The following SLC24A1 variants were observed in gnomAD, a reference collection of about 807,000 sequenced individuals.
The protein encoded by SLC24A1 is sodium/potassium/calcium exchanger 1.
In SLC24A1, 52 loss-of-function variants were observed where a neutral mutation model predicts 88.1. The observed-to-expected ratio is 0.59, with a 90% CI of 0.47 to 0.74. The LOEUF is 0.74. Ranked by LOEUF, SLC24A1 falls within the 30% of genes least tolerant of loss-of-function variation. The pLI is 0.00. For synonymous variants in SLC24A1, 455 were observed against 498.0 expected (o/e 0.91, Z 1.15); for missense variants, 1,173 against 1,363.3 (o/e 0.86, Z 2.20).
At chr15:65,636,851 T>G (rs114141793) in intron 2 of SLC24A1, among the ~76,000 whole-genome samples, 9,460 of 144,238 alleles carry the variant, frequency 0.066, 312 homozygotes, top group African/African-American at 0.1. Flanking sequence ...ACTCCAGCGC[T>G]CTGTCTCAAA....
At chr15:65,630,899 AG>A (rs901215534) in intron 2 of SLC24A1, among the ~76,000 whole-genome samples, 3 of 152,226 alleles carry the variant, frequency 2.0e-5, no homozygotes, top group African/African-American at 7.2e-5. Flanking sequence ...GGAACCCAGC[AG>A]GCGGAGGTTG....
At chr15:65,656,916 G>A (rs1288935086), downstream of SLC24A1, among the ~76,000 whole-genome samples, 2 of 152,194 alleles carry the variant, frequency 1.3e-5, no homozygotes, top group East Asian at 3.8e-4. Flanking sequence ...TGTCACCCAG[G>A]CTAGAGTGCA....
intron 4 of SLC24A1, chr15:65,644,152 A>G (rs2075226050): frequency 7.1e-6 from 3 of 420,292 alleles, no homozygotes; most frequent in Non-Finnish European, 1.3e-5. Flanking sequence ...ATGTCATTTT[A>G]CCAGAGAGGA....
chr15:65,639,508 G>A (rs961683155), intron 3 of SLC24A1, 87 bp from the exon 4 acceptor site: 2 of 781,474 alleles, frequency 2.6e-6, no homozygotes. Flanking sequence ...TGATCTTTAT[G>A]GGAAAGAGGC....
intron 9 of SLC24A1, 103 bp from the exon 10 acceptor site, chr15:65,653,727 T>A: frequency 4.2e-6 from 5 of 1,177,316 alleles, no homozygotes; most frequent in Non-Finnish European, 6.1e-6. Context: ...TTCATAGATA[T>A]TTTATTGGTG....
chr15:65,630,678 C>G (rs1412196830), intron 2 of SLC24A1, among the ~76,000 whole-genome samples: 1 of 152,200 alleles, frequency 6.6e-6, no homozygotes, highest in African/African-American at 2.4e-5. Context: ...ATAAAATTTT[C>G]TTAATCTTTT....
intron 2 of SLC24A1, among the ~76,000 whole-genome samples, chr15:65,615,882 C>T (rs1257181371): frequency 5.0e-5 from 6 of 119,094 alleles, no homozygotes; most frequent in African/African-American, 1.7e-4. Context: ...TCCCCCACCC[C>T]CCCACCCCCC....
intron 2 of SLC24A1, among the ~76,000 whole-genome samples, chr15:65,614,371 A>G (rs959429781): frequency 1.3e-5 from 2 of 152,208 alleles, no homozygotes; most frequent in African/African-American, 4.8e-5. Flanking sequence ...CCCTAATATC[A>G]TCAAATATCG....
intron 4 of SLC24A1, among the ~76,000 whole-genome samples, chr15:65,640,588 G>A (rs2075091591): frequency 6.6e-6 from 1 of 152,204 alleles, no homozygotes; most frequent in South Asian, 2.1e-4. Flanking sequence ...GGCTTGGACT[G>A]CAGTTGGGCA....
At position 65,624,893 on chromosome 15, in the gene SLC24A1, T is replaced by A; in HGVS notation, c.813T>A (p.Ser271=). 1 of 1,613,858 alleles carries A rather than the reference T, an allele frequency of 6.2e-7. No individual in the cohort carries two copies. The highest frequency in any genetic ancestry group is 1.1e-5 in the South Asian group (1 of 91,082). ...AGGTAGAAGCAAACGTCTTGACTTCTCCAAGGAGCGTCATGGAAAAAAACA... is the reference window on the plus strand; with the variant it reads ...AGGTAGAAGCAAACGTCTTGACTTCACCAAGGAGCGTCATGGAAAAAAACA... ...THEVEANVLT[S]PRSVMEKNNL... is the part of the protein sequence containing the mutation. Residue 271 remains serine (S), a synonymous_variant, in exon 2 of 10, where the codon TCT becomes TCA. Transcript: ENST00000261892.
chr15:65,626,428 C>A (rs1192989883), intron 2 of SLC24A1, among the ~76,000 whole-genome samples: 2 of 152,112 alleles, frequency 1.3e-5, no homozygotes, highest in Admixed American at 1.3e-4. Flanking sequence ...TAGCTAGCAC[C>A]CTCATTTTCA....
downstream of SLC24A1, chr15:65,660,404 C>T (rs192866794): frequency 1.1e-3 from 1,150 of 1,058,914 alleles, 3 homozygotes; most frequent in Non-Finnish European, 8.0e-4. Context: ...GTCCAAGTGT[C>T]GTGGACTCTA....
chr15:65,646,217 T>A (rs2075295095), intron 6 of SLC24A1, among the ~76,000 whole-genome samples: 1 of 152,158 alleles, frequency 6.6e-6, no homozygotes, highest in South Asian at 2.1e-4. Flanking sequence ...GGATTTCTTG[T>A]CTCCATGTTT....
intron 1 of SLC24A1, among the ~76,000 whole-genome samples, chr15:65,622,932 G>C (rs2074370099): frequency 6.6e-6 from 1 of 151,820 alleles, no homozygotes; most frequent in Admixed American, 6.6e-5. Flanking sequence ...AGTAGAGATG[G>C]GGTTTCACCA....
chr15:65,635,517 T>C (rs866287876), intron 2 of SLC24A1, among the ~76,000 whole-genome samples: 6 of 113,416 alleles, frequency 5.3e-5, no homozygotes, highest in Non-Finnish European at 1.1e-4. Flanking sequence ...ATGTGAGAAA[T>C]AGTGAGATGG....
intron 1 of SLC24A1, chr15:65,612,034 T>C (rs997909664): frequency 1.4e-4 from 22 of 152,322 alleles, no homozygotes; most frequent in African/African-American, 5.1e-4. Flanking sequence ...GGGCCCTCGT[T>C]CCTCTCACCC....
chr15:65,641,022 C>T (rs1428777476), intron 4 of SLC24A1, among the ~76,000 whole-genome samples: 1 of 152,070 alleles, frequency 6.6e-6, no homozygotes, highest in Non-Finnish European at 1.5e-5. Context: ...GATTGCACCG[C>T]TGCACTCCAG....
chr15:65,650,984 A>T lies in SLC24A1; in HGVS notation c.2793+42A>T. ...GTATCTCAGACTCTTTATCCCCAGC[A>T]GGGCTGTGGGGTCTCTCGGCATGCG... On this transcript the variant is annotated intron_variant, in intron 7 of 9. Transcript: ENST00000261892. The surrounding 1 kb of genome is among the most constrained non-coding windows in gnomAD (Gnocchi z 4.1). 1 of 1,555,688 alleles carries T rather than the reference A, an allele frequency of 6.4e-7. No individual in the cohort carries two copies. The highest frequency in any genetic ancestry group is 8.9e-7 in the Non-Finnish European group (1 of 1,126,910).
At position 65,650,315 on chromosome 15, in the gene SLC24A1, G is replaced by A. The variant is rs2075452211; in HGVS notation, c.2233-67G>A. 7.5e-7 allele frequency: 1 copy of A among 1,328,128 alleles called. No homozygotes were observed. The highest frequency in any genetic ancestry group is 1.0e-6 in the Non-Finnish European group (1 of 969,850). 82.3% of individuals were successfully genotyped at this position (1,328,128 alleles called of 1,614,324 possible). ...TGAGAAGCACGCCAACAAAAAAATG[G>A]GGGAGTAACATAAGGAAAACAAGCA... On this transcript the variant is annotated intron_variant, in intron 6 of 9. Transcript: ENST00000261892. The surrounding 1 kb of genome is among the most constrained non-coding windows in gnomAD (Gnocchi z 4.1).
Sources: gnomAD v4.1 joint callset for allele counts (sites outside exome capture counted in the v4.1 genomes callset) on GRCh38, gnomAD v4.1.1 for gene constraint, Gnocchi (gnomAD v3.1) non-coding constraint, MANE v1.5 for transcripts, NCBI Gene and HGNC (gene_info 2026-07-23, HGNC 2026-07-21) for gene names.